The following ARHGAP15 variants were observed in gnomAD, a reference collection of about 807,000 sequenced individuals.
The protein encoded by ARHGAP15 is Rho GTPase activating protein 15, also known as rho GTPase-activating protein 15.
A neutral mutation model predicts 63.7 loss-of-function variants in ARHGAP15; 51 were observed. The ratio of observed to expected loss-of-function variants is 0.80; its 90% CI spans 0.64 to 1.01. The LOEUF is 1.01. ARHGAP15 is among the 50% of genes least tolerant of loss of function. ARHGAP15 has a pLI of 0.00. For synonymous variants in ARHGAP15, 191 were observed against 193.8 expected (o/e 0.99, Z 0.12); for missense variants, 560 against 564.6 (o/e 0.99, Z 0.08).
At chr2:143,351,001 G>A (rs1456399893) in intron 6 of ARHGAP15, 2 of 151,380 alleles carry the variant, frequency 1.3e-5, no homozygotes, top group Admixed American at 1.3e-4. Context: ...CAGTTTCAAA[G>A]TCTGGGGCTT....
intron 6 of ARHGAP15, among the ~76,000 whole-genome samples, chr2:143,346,660 A>G (rs139627296): frequency 1.3e-5 from 2 of 152,160 alleles, no homozygotes; most frequent in Non-Finnish European, 2.9e-5. Context: ...AGTGCTCGCT[A>G]TCTGTCTGAG....
intron 2 of ARHGAP15, among the ~76,000 whole-genome samples, chr2:143,177,573 A>T (rs1284309303): frequency 6.6e-6 from 1 of 152,220 alleles, no homozygotes; most frequent in Non-Finnish European, 1.5e-5. Flanking sequence ...ACACTCTCTG[A>T]CAGGGAGTGT....
intron 11 of ARHGAP15, among the ~76,000 whole-genome samples, chr2:143,565,854 G>T (rs1696198540): frequency 6.6e-6 from 1 of 152,154 alleles, no homozygotes; most frequent in African/African-American, 2.4e-5. Flanking sequence ...TACTGCTCTT[G>T]CTAACCCCCA....
At chr2:143,434,101 T>C (rs188040107) in intron 6 of ARHGAP15, among the ~76,000 whole-genome samples, 65 of 152,256 alleles carry the variant, frequency 4.3e-4, no homozygotes, top group African/African-American at 1.5e-3. Context: ...GAGGCTGTTT[T>C]GAGCCATCCT....
At chr2:143,690,880 A>C (rs1180369499) in intron 12 of ARHGAP15, among the ~76,000 whole-genome samples, 3 of 152,158 alleles carry the variant, frequency 2.0e-5, no homozygotes, top group Non-Finnish European at 2.9e-5. Flanking sequence ...AGAATTCCAA[A>C]AGCTCTTACC....
intron 10 of ARHGAP15, among the ~76,000 whole-genome samples, chr2:143,520,841 A>C (rs1694033409): frequency 6.6e-6 from 1 of 152,158 alleles, no homozygotes; most frequent in Admixed American, 6.6e-5. Flanking sequence ...GCGTTGGGGA[A>C]GCACATAATA....
intron 8 of ARHGAP15, among the ~76,000 whole-genome samples, chr2:143,475,249 A>G (rs909422855): frequency 2.6e-5 from 4 of 152,198 alleles, no homozygotes; most frequent in Non-Finnish European, 4.4e-5. Flanking sequence ...TGCCAGCTGC[A>G]AACTGCAGCT....
Position 143,420,072 on chromosome 2 carries a change from G to A in ARHGAP15, c.475-15529G>A, listed in dbSNP as rs1218629793. On this transcript the variant is annotated intron_variant, in intron 6 of 13. Transcript: ENST00000295095. ...CTACATGGCAATTGACAGTACTGCC[G>A]ATATAAGTTTTAAGGTCAGGTCAGG... Among the ~76,000 whole-genome samples the A allele has an allele frequency of 2.6e-5, 4 of 152,214 alleles. No individual in the cohort carries two copies. In the East Asian group the frequency reaches 5.8e-4, roughly 22 times the overall value.
chr2:143,384,087 T>C (rs569304325), intron 6 of ARHGAP15, among the ~76,000 whole-genome samples: 13 of 152,296 alleles, frequency 8.5e-5, no homozygotes, highest in African/African-American at 1.2e-4. Context: ...ATTCCTCTAC[T>C]TGGAAATAGT....
rs2072985796 is a variant in ARHGAP15 at position 143,768,285 on chromosome 2, A to G, written c.*113A>G. The G allele has an allele frequency of 1.0e-6, 1 of 981,544 alleles. No homozygotes were observed. The highest frequency in any genetic ancestry group is 2.9e-5 in the Admixed American group (1 of 34,106). 60.8% of individuals were successfully genotyped at this position (981,544 alleles called of 1,614,324 possible). On this transcript the variant is annotated 3_prime_UTR_variant, in exon 14 of 14. Coordinates refer to ENST00000295095, the MANE Select transcript of ARHGAP15 (RefSeq NM_018460.4). ...TTGCCTTTCAAGCGACAGATGCCTC[A>G]TTTTGTGAAAACTTAATGATGATTT...
At chr2:143,415,202 C>A (rs749542142) in intron 6 of ARHGAP15, among the ~76,000 whole-genome samples, 28 of 151,982 alleles carry the variant, frequency 1.8e-4, no homozygotes, top group Non-Finnish European at 3.4e-4. Context: ...TCATCTCATT[C>A]ATTGTTTAGG....
chr2:143,600,916 G>A (rs1192642798), intron 11 of ARHGAP15, among the ~76,000 whole-genome samples: 1 of 152,118 alleles, frequency 6.6e-6, no homozygotes, highest in Non-Finnish European at 1.5e-5. Context: ...TTTAAAAAGT[G>A]TCAGCTATAT....
At chr2:143,136,349 C>A (rs141782851) in intron 1 of ARHGAP15, among the ~76,000 whole-genome samples, 1 of 151,056 alleles carries the variant, frequency 6.6e-6, no homozygotes, top group African/African-American at 2.4e-5. Context: ...GTTGTCAATA[C>A]AATGACTTTT....
At chr2:143,133,837 A>G (rs1174995327) in intron 1 of ARHGAP15, among the ~76,000 whole-genome samples, 1 of 152,164 alleles carries the variant, frequency 6.6e-6, no homozygotes, top group East Asian at 1.9e-4. Flanking sequence ...CAGTTTATGT[A>G]AAAACCATAT....
chr2:143,136,913 C>CT (rs1689164830), intron 1 of ARHGAP15, among the ~76,000 whole-genome samples: 1 of 152,020 alleles, frequency 6.6e-6, no homozygotes, highest in Admixed American at 6.6e-5. Context: ...ATCAGAATAT[C>CT]TTGAATTCAA....
At chr2:143,272,758 T>C (rs1380445777) in intron 6 of ARHGAP15, among the ~76,000 whole-genome samples, 1 of 152,214 alleles carries the variant, frequency 6.6e-6, no homozygotes, top group East Asian at 1.9e-4. Flanking sequence ...GAACTGCCAA[T>C]CGATATTCTT....
chr2:143,653,318 A>AT (rs1326639910), intron 12 of ARHGAP15, among the ~76,000 whole-genome samples: 1 of 152,038 alleles, frequency 6.6e-6, no homozygotes, highest in Non-Finnish European at 1.5e-5. Context: ...AATCTGAATG[A>AT]TTTTTTTCCA....
chr2:143,743,126 G>A (rs2105510813), intron 13 of ARHGAP15, among the ~76,000 whole-genome samples: 1 of 152,300 alleles, frequency 6.6e-6, no homozygotes, highest in Non-Finnish European at 1.5e-5. Flanking sequence ...GGACAGATAG[G>A]CAGCGGGATA....
intron 2 of ARHGAP15, among the ~76,000 whole-genome samples, chr2:143,188,652 T>TC (rs1691544559): frequency 6.8e-6 from 1 of 147,460 alleles, no homozygotes; most frequent in African/African-American, 2.5e-5. Flanking sequence ...TTATTATTAT[T>TC]ATTTGTCTCC....
Sources: gnomAD v4.1 joint callset for allele counts (sites outside exome capture counted in the v4.1 genomes callset) on GRCh38, gnomAD v4.1.1 for gene constraint, MANE v1.5 for transcripts, NCBI Gene and HGNC (gene_info 2026-07-23, HGNC 2026-07-21) for gene names.